CCDC178: variants seen among roughly 807,000 people sequenced by gnomAD.
CCDC178 encodes the protein coiled-coil domain containing 178.
In CCDC178, 126 loss-of-function variants were observed where a neutral mutation model predicts 117.4. The ratio of observed to expected loss-of-function variants is 1.07; its 90% CI spans 0.93 to 1.24. The LOEUF is 1.24. Ranked by LOEUF, CCDC178 falls within the 50% of genes most tolerant of loss-of-function variation. The probability of loss-of-function intolerance (pLI) is 0.00; values close to 1 mark genes in which losing one functional copy is unlikely to be tolerated. For synonymous variants in CCDC178, 283 were observed against 313.4 expected (o/e 0.90, Z 1.02); for missense variants, 1,030 against 986.9 (o/e 1.04, Z -0.59).
chr18:33,024,893 T>C (rs1218004791), intron 21 of CCDC178, among the ~76,000 whole-genome samples: 1 of 151,868 alleles, frequency 6.6e-6, no homozygotes, highest in East Asian at 1.9e-4. Flanking sequence ...CCTCATGATC[T>C]GCCTGCCTTG....
intron 20 of CCDC178, among the ~76,000 whole-genome samples, chr18:33,110,957 T>C (rs2057772432): frequency 6.6e-6 from 1 of 151,598 alleles, no homozygotes; most frequent in Non-Finnish European, 1.5e-5. Flanking sequence ...TAGGATTGCA[T>C]CACACATATA....
chr18:33,312,600 G>A (rs996728825), intron 11 of CCDC178, among the ~76,000 whole-genome samples: 1 of 152,178 alleles, frequency 6.6e-6, no homozygotes, highest in African/African-American at 2.4e-5. Context: ...TTTCCAAGCA[G>A]CTGGACTCAG....
chr18:33,411,714 T>A (rs940677258), intron 3 of CCDC178, among the ~76,000 whole-genome samples: 9 of 152,156 alleles, frequency 5.9e-5, no homozygotes, highest in African/African-American at 2.2e-4. Flanking sequence ...AAGTTACCAG[T>A]GGAATGGAAT....
At chr18:33,171,028 G>A (rs2058593000) in intron 20 of CCDC178, among the ~76,000 whole-genome samples, 1 of 152,154 alleles carries the variant, frequency 6.6e-6, no homozygotes. Context: ...ACAGGATTTT[G>A]CATATAGAGA....
At chr18:33,192,553 T>G (rs1357399743) in intron 20 of CCDC178, among the ~76,000 whole-genome samples, 1 of 152,196 alleles carries the variant, frequency 6.6e-6, no homozygotes, top group Non-Finnish European at 1.5e-5. Context: ...TATTACAATC[T>G]ACAACAGAGG....
chr18:33,265,497 G>A (rs779560233), intron 14 of CCDC178, among the ~76,000 whole-genome samples: 2 of 151,996 alleles, frequency 1.3e-5, no homozygotes, highest in Non-Finnish European at 2.9e-5. Flanking sequence ...TGGCAATTAG[G>A]TAGAAGGAAG....
At chr18:33,438,946 T>A (rs1401872385) in intron 2 of CCDC178, among the ~76,000 whole-genome samples, 2 of 152,210 alleles carry the variant, frequency 1.3e-5, no homozygotes, top group Non-Finnish European at 2.9e-5. Flanking sequence ...TTGTCTTTCC[T>A]AGAGGGCTCC....
At chr18:33,400,617 T>C (rs914204620) in intron 3 of CCDC178, among the ~76,000 whole-genome samples, 21 of 152,320 alleles carry the variant, frequency 1.4e-4, no homozygotes, top group African/African-American at 4.8e-4. Flanking sequence ...TTAGCCTTTA[T>C]AGAACTGAAT....
At chr18:33,190,331 A>C (rs1450664955) in intron 20 of CCDC178, among the ~76,000 whole-genome samples, 1 of 152,120 alleles carries the variant, frequency 6.6e-6, no homozygotes, top group East Asian at 1.9e-4. Flanking sequence ...ACTGCTCCTA[A>C]AAGGCTCTGT....
intron 21 of CCDC178, among the ~76,000 whole-genome samples, chr18:33,016,876 CTT>C (rs2056002772): frequency 6.6e-6 from 1 of 151,796 alleles, no homozygotes; most frequent in Admixed American, 6.6e-5. Context: ...TTTAGAAAAA[CTT>C]AGCAAAATGA....
intron 16 of CCDC178, 56 bp downstream of exon 16, chr18:33,226,737 C>G (rs1429574539): frequency 1.6e-6 from 2 of 1,267,750 alleles, no homozygotes; most frequent in Non-Finnish European, 2.2e-6. Context: ...ATTTAAAATG[C>G]TAAGTAAAAT....
chr18:33,193,332 G>C (rs73421404), intron 20 of CCDC178, among the ~76,000 whole-genome samples: 3 of 151,238 alleles, frequency 2.0e-5, no homozygotes, highest in Non-Finnish European at 4.4e-5. Flanking sequence ...GCCTTTGAGG[G>C]GGCAGCCATT....
intron 20 of CCDC178, among the ~76,000 whole-genome samples, chr18:33,153,136 T>TTATATA (rs10604490): frequency 1.4e-5 from 2 of 144,266 alleles, no homozygotes; most frequent in African/African-American, 5.0e-5. Flanking sequence ...TGAGTGACAA[T>TTATATA]TATATATATA....
intron 20 of CCDC178, among the ~76,000 whole-genome samples, chr18:33,135,852 T>A (rs956067536): frequency 1.3e-5 from 2 of 152,190 alleles, no homozygotes; most frequent in Non-Finnish European, 2.9e-5. Context: ...CTGCAAGGTT[T>A]CCCATATCCT....
At chr18:33,355,706 C>T (rs768504041) in intron 7 of CCDC178, among the ~76,000 whole-genome samples, 2 of 152,192 alleles carry the variant, frequency 1.3e-5, no homozygotes, top group Non-Finnish European at 2.9e-5. Context: ...TATCTATAGC[C>T]TCAGGCTGCT....
chr18:32,983,417 A>G, intron 21 of CCDC178: 1 of 921,202 alleles, frequency 1.1e-6, no homozygotes. Context: ...TTTCCTATCT[A>G]CAAACACAGT....
At chr18:33,085,818 T>C (rs1029854230) in intron 21 of CCDC178, among the ~76,000 whole-genome samples, 1 of 152,054 alleles carries the variant, frequency 6.6e-6, no homozygotes, top group African/African-American at 2.4e-5. Flanking sequence ...GGTTAAATTT[T>C]GAAGAAAAAA....
chr18:33,002,741 G>C (rs1165763662), intron 21 of CCDC178, among the ~76,000 whole-genome samples: 1 of 151,748 alleles, frequency 6.6e-6, no homozygotes, highest in African/African-American at 2.4e-5. Context: ...GAAAAAAAAA[G>C]TTGGTGTTTT....
At chr18:33,298,040 G>GA (rs71159811) in intron 11 of CCDC178, among the ~76,000 whole-genome samples, 1 of 142,394 alleles carries the variant, frequency 7.0e-6, no homozygotes. Flanking sequence ...GACTCTGTCT[G>GA]AAAAAAAAAA....
Sources: allele counts gnomAD v4.1 joint callset (sites outside exome capture counted in the v4.1 genomes callset), GRCh38; gene constraint gnomAD v4.1.1; transcripts MANE v1.5; gene names NCBI Gene and HGNC (gene_info 2026-07-23, HGNC 2026-07-21).